The following MED26 variants were observed in gnomAD, a reference collection of about 807,000 sequenced individuals.
The protein encoded by MED26 is mediator complex subunit 26.
Under a neutral mutation model 43.7 loss-of-function variants are expected in MED26, and 7 were observed. The ratio of observed to expected loss-of-function variants is 0.16; its 90% CI spans 0.09 to 0.30. The LOEUF (loss-of-function observed/expected upper bound fraction) is 0.30. Among genes scored for constraint, MED26 ranks in the 10% least tolerant of loss-of-function variants. The pLI is 1.00. For synonymous variants in MED26, 375 were observed against 371.1 expected (o/e 1.01, Z -0.12); for missense variants, 784 against 840.6 (o/e 0.93, Z 0.83).
At chr19:16,614,485 C>T (rs779791142) in intron 1 of MED26, among the ~76,000 whole-genome samples, 2 of 151,856 alleles carry the variant, frequency 1.3e-5, no homozygotes, top group African/African-American at 2.4e-5. Flanking sequence ...GCCGATTGTG[C>T]CACTGCACTC....
chr19:16,580,045 G>A (rs931575311), intron 1 of MED26, among the ~76,000 whole-genome samples: 2 of 152,186 alleles, frequency 1.3e-5, no homozygotes, highest in African/African-American at 4.8e-5. Flanking sequence ...TACAAAATAA[G>A]GCTGCAACCG....
In MED26 at chr19:16,577,571, C is replaced by T; in HGVS notation, c.259G>A (p.Ala87Thr). ...CGCAGCGCCGCCTCATGCTGGTGTGCCGGCTCGATGAGCTTCTGCCAGCTC... is the reference window on the plus strand; with the variant it reads ...CGCAGCGCCGCCTCATGCTGGTGTGTCGGCTCGATGAGCTTCTGCCAGCTC... Reference protein sequence around the residue: ...LRSWQKLIEPAHQHEAALRGL... With the variant: ...LRSWQKLIEPTHQHEAALRGL... The change falls in exon 3 of 3, where the codon GCA (alanine) becomes ACA (threonine). Residue 87 changes from alanine (A) to threonine (T), a missense_variant. This residue lies in a region of MED26 where 719 missense variants were observed against 730.9 expected (regional missense o/e 0.98). Transcript: ENST00000263390. The surrounding 1 kb of genome is among the most constrained non-coding windows in gnomAD (Gnocchi z 8.1). 6.2e-7 allele frequency: 1 copy of T among 1,609,640 alleles called. No individual in the cohort carries two copies.
rs145027812 is a variant in MED26 at position 16,592,542 on chromosome 19, G to A, written c.73-14133C>T. ...CTCCCAGAGGATGTTAGCAAATCACGCCACACATGTCCCTTCCAAACAAAG... is the reference window on the plus strand; with the variant it reads ...CTCCCAGAGGATGTTAGCAAATCACACCACACATGTCCCTTCCAAACAAAG... On this transcript the variant is annotated intron_variant, in intron 1 of 2. Transcript: ENST00000263390. Among the ~76,000 whole-genome samples, 415 of 152,266 alleles carry A rather than the reference G, an allele frequency of 2.7e-3. 2 individuals are homozygous for A. Among genetic ancestry groups the A allele is most frequent in the African/African-American group, 8.6e-3 (357 of 41,542 alleles).
chr19:16,627,998 G>T lies in MED26; in HGVS notation c.-55C>A. On this transcript the variant is annotated 5_prime_UTR_variant, in exon 1 of 3. Coordinates refer to ENST00000263390, the MANE Select transcript of MED26 (RefSeq NM_004831.5). ...GGCCAGCGGGCGGGCGGGCTGAGGC[G>T]GGGGACGGGGGTCACTCACTCGCCG... 1 of 1,151,206 alleles carries T rather than the reference G, an allele frequency of 8.7e-7. No individual in the cohort carries two copies. Among genetic ancestry groups the T allele is most frequent in the Non-Finnish European group, 1.2e-6 (1 of 859,680 alleles). 71.3% of individuals were successfully genotyped at this position (1,151,206 alleles called of 1,614,324 possible).
intron 1 of MED26, among the ~76,000 whole-genome samples, chr19:16,605,681 G>A (rs1422970807): frequency 6.6e-6 from 1 of 152,164 alleles, no homozygotes; most frequent in South Asian, 2.1e-4. Flanking sequence ...GGAGAGGCTC[G>A]GGTGAACAGG....
chr19:16,576,823 T>C lies in MED26; in HGVS notation c.1007A>G (p.Glu336Gly), dbSNP rs748731497. ...VRRLELLPSA[E>G]SPVCWLEQPE... ...CTGCTCAAGCCAGCACACTGGGCTT[T>C]CCGCACTGGGCAGCAGCTCGAGCCG... The change falls in exon 3 of 3, where the codon GAA (glutamate) becomes GGA (glycine). Residue 336 changes from glutamate to glycine, a missense_variant. Transcript: ENST00000263390. This position sits in a 1 kb window ranked among gnomAD's most constrained non-coding sequence, Gnocchi z 6.8. The C allele has an allele frequency of 6.2e-6, 10 of 1,609,596 alleles. No homozygotes were observed. In the African/African-American group the frequency reaches 1.3e-4, roughly 21 times the overall value.
At chr19:16,611,113 G>C (rs1032965251) in intron 1 of MED26, 4 of 152,478 alleles carry the variant, frequency 2.6e-5, no homozygotes, top group African/African-American at 9.6e-5. Flanking sequence ...GAAATGGCCA[G>C]GGTTGGACTC....
chr19:16,605,839 AACAGCT>A (rs1245678757), intron 1 of MED26, among the ~76,000 whole-genome samples: 1 of 152,174 alleles, frequency 6.6e-6, no homozygotes, highest in Non-Finnish European at 1.5e-5. Flanking sequence ...CTTGGAAATG[AACAGCT>A]GAGGCTGCAT....
intron 1 of MED26, among the ~76,000 whole-genome samples, chr19:16,583,428 C>G (rs919507031): frequency 3.9e-5 from 6 of 152,168 alleles, no homozygotes; most frequent in African/African-American, 1.4e-4. Context: ...CAACACTGAC[C>G]GCCCCTGCCC....
intron 1 of MED26, among the ~76,000 whole-genome samples, chr19:16,599,505 C>G (rs570260431): frequency 6.6e-6 from 1 of 152,116 alleles, no homozygotes; most frequent in African/African-American, 2.4e-5. Context: ...CAGGGAAGAG[C>G]CCATCCAAGC....
At chr19:16,595,122 C>T (rs771528176) in intron 1 of MED26, among the ~76,000 whole-genome samples, 2 of 152,152 alleles carry the variant, frequency 1.3e-5, no homozygotes, top group Non-Finnish European at 2.9e-5. Context: ...AGTGGCAGCA[C>T]CCCCCATGTA....
Position 16,626,562 on chromosome 19 carries a change from ACTCATAACCC to A in MED26, c.72+1300_72+1309del, listed in dbSNP as rs556346050. On this transcript the variant is annotated intron_variant, in intron 1 of 2. Coordinates refer to ENST00000263390, the MANE Select transcript of MED26 (RefSeq NM_004831.5). ...CACAGCAACCAGAGCCTTCGAAAAA[ACTCATAACCC>A]TTCAGTCTTAACCAAAAATTGTATA... is the stretch of plus-strand genomic sequence containing the variant. Among the ~76,000 whole-genome samples, 162 of 152,180 alleles carry A rather than the reference ACTCATAACCC, an allele frequency of 1.1e-3. 1 individual carries two copies. Among genetic ancestry groups the A allele is most frequent in the African/African-American group, 3.5e-3 (147 of 41,516 alleles).
At chr19:16,594,137 T>C (rs148644371) in intron 1 of MED26, among the ~76,000 whole-genome samples, 3 of 152,334 alleles carry the variant, frequency 2.0e-5, no homozygotes, top group Non-Finnish European at 4.4e-5. Flanking sequence ...ATTATCCATA[T>C]AGTGGCGGCA....
chr19:16,577,333 G>C lies in MED26; in HGVS notation c.497C>G (p.Ser166Cys), dbSNP rs1190911658. ...LGHPGPPPKV[S>C]KASHDPLVPN... ...GACCAGGGGGTCGTGGCTAGCTTTG[G>C]AGACCTTGGGTGGCGGCCCTGGGTG... The change falls in exon 3 of 3, where the codon TCC becomes TGC. Residue 166 changes from serine (S) to cysteine (C), a missense_variant. Physicochemically the swap from Ser to Cys is moderately radical, Grantham distance 112. Around this residue, in one of 3 missense-constraint regions of MED26, gnomAD observed 719 missense variants for 730.9 expected, o/e 0.98. Coordinates refer to ENST00000263390, the MANE Select transcript of MED26 (RefSeq NM_004831.5). The surrounding 1 kb of genome is among the most constrained non-coding windows in gnomAD (Gnocchi z 8.1). 1 of 1,612,032 alleles carries C rather than the reference G, an allele frequency of 6.2e-7. No individual in the cohort carries two copies.
intron 1 of MED26, among the ~76,000 whole-genome samples, chr19:16,581,365 G>A (rs2086044884): frequency 6.6e-6 from 1 of 152,198 alleles, no homozygotes; most frequent in Non-Finnish European, 1.5e-5. Flanking sequence ...CGATGAGGAG[G>A]CCAGTCCCAG....
chr19:16,611,281 G>A (rs2086198308), intron 1 of MED26: 1 of 152,314 alleles, frequency 6.6e-6, no homozygotes, highest in African/African-American at 2.4e-5. Context: ...TGACTGTGTG[G>A]AGAAAACCAG....
At chr19:16,594,389 G>A (rs367801036) in intron 1 of MED26, among the ~76,000 whole-genome samples, 7 of 152,252 alleles carry the variant, frequency 4.6e-5, no homozygotes, top group Non-Finnish European at 7.3e-5. Flanking sequence ...GGATCTCACC[G>A]GTACTTCCTG....
intron 1 of MED26, among the ~76,000 whole-genome samples, chr19:16,592,792 T>G (rs1039769589): frequency 1.3e-5 from 2 of 152,232 alleles, no homozygotes; most frequent in African/African-American, 4.8e-5. Flanking sequence ...GACCAGTTAT[T>G]GCAACTGGGG....
chr19:16,591,329 A>G lies in MED26; in HGVS notation c.73-12920T>C, dbSNP rs1195571258. Among the ~76,000 whole-genome samples the G allele has an allele frequency of 3.3e-5, 5 of 151,912 alleles. No individual in the cohort carries two copies. The East Asian group carries it at 9.6e-4, about 29-fold the overall frequency. Reference sequence around the variant, plus strand: ...TCTCAGAGGGACTGTAAGGACTGAAAGATACACTTGAGAATGCACACAATG... The same window carrying G: ...TCTCAGAGGGACTGTAAGGACTGAAGGATACACTTGAGAATGCACACAATG... On this transcript the variant is annotated intron_variant, in intron 1 of 2. Coordinates refer to ENST00000263390, the MANE Select transcript of MED26 (RefSeq NM_004831.5).
Sources: allele counts gnomAD v4.1 joint callset (sites outside exome capture counted in the v4.1 genomes callset), GRCh38; gene constraint gnomAD v4.1.1; regional missense constraint gnomAD v4.1.1; non-coding constraint Gnocchi (gnomAD v3.1); transcripts MANE v1.5; gene names NCBI Gene and HGNC (gene_info 2026-07-23, HGNC 2026-07-21).